Variants in DCUN1D1 observed in about 807,000 individuals in gnomAD.
DCUN1D1 encodes the protein defective in cullin neddylation 1 domain containing 1, also known as DCN1-like protein 1.
In DCUN1D1, 3 loss-of-function variants were observed where a neutral mutation model predicts 39.0. The observed-to-expected ratio is 0.08, with a 90% CI of 0.04 to 0.20. The LOEUF (loss-of-function observed/expected upper bound fraction) is 0.20. Among genes scored for constraint, DCUN1D1 ranks in the 10% least tolerant of loss-of-function variants. The pLI is 1.00. For missense variants in DCUN1D1, 158 were observed against 302.4 expected (o/e 0.52, Z 3.54); for synonymous variants, 82 against 96.3 (o/e 0.85, Z 0.87).
Position 182,955,441 on chromosome 3 carries a change from A to G in DCUN1D1, c.520+5785T>C. Reference sequence around the variant, plus strand: ...TTGCGCAAACTTCAAGTTCATAGGCACATGGTCTACACGTTATGAGATAAG... The same window carrying G: ...TTGCGCAAACTTCAAGTTCATAGGCGCATGGTCTACACGTTATGAGATAAG... On this transcript the variant is annotated intron_variant, in intron 4 of 6. Transcript: ENST00000292782. 3.7e-5 allele frequency: 20 copies of G among 541,914 alleles called. 1 individual carries two copies. Among genetic ancestry groups the G allele is most frequent in the South Asian group, 2.8e-4 (20 of 72,216 alleles). 33.6% of individuals were successfully genotyped at this position (541,914 alleles called of 1,614,324 possible).
At position 182,938,803 on chromosome 3, in the gene DCUN1D1, A is replaced by AAT. The variant is rs1035306657; in HGVS notation, c.*6289_*6290dup. On this transcript the variant is annotated 3_prime_UTR_variant, in exon 7 of 7. Coordinates refer to ENST00000292782, the MANE Select transcript of DCUN1D1 (RefSeq NM_020640.4). ...CAAAAGTAAAATCTCTGGGAAACTTAATATTAAGACAGTAACTATCTGCAC... is the reference window on the plus strand; with the variant it reads ...CAAAAGTAAAATCTCTGGGAAACTTAATATATTAAGACAGTAACTATCTGCAC... The AAT allele has an allele frequency of 6.6e-6, 1 of 152,200 alleles. No homozygotes were observed. Among genetic ancestry groups the AAT allele is most frequent in the African/African-American group, 2.4e-5 (1 of 41,456 alleles). The allele number at this position is 152,200 out of a possible 1,614,324, so 9.4% of individuals were successfully genotyped here.
At chr3:182,964,794 C>T (rs1433081023) in intron 2 of DCUN1D1, among the ~76,000 whole-genome samples, 2 of 152,026 alleles carry the variant, frequency 1.3e-5, no homozygotes, top group Non-Finnish European at 2.9e-5. Context: ...GCACACGCCA[C>T]CACGCCCAGC....
chr3:182,949,102 T>G (rs1191194657), intron 4 of DCUN1D1, among the ~76,000 whole-genome samples: 1 of 149,620 alleles, frequency 6.7e-6, no homozygotes, highest in Non-Finnish European at 1.5e-5. Context: ...GACTCTCGCC[T>G]GTAATCCTAG....
chr3:182,981,139 C>T (rs1010419262), upstream of DCUN1D1, among the ~76,000 whole-genome samples: 1 of 152,014 alleles, frequency 6.6e-6, no homozygotes, highest in African/African-American at 2.4e-5. Context: ...GTGGCTGTCA[C>T]TCCATTAGTG....
At position 182,961,213 on chromosome 3, in the gene DCUN1D1, T is replaced by A; in HGVS notation, c.520+13A>T. On this transcript the variant is annotated intron_variant, in intron 4 of 6. Coordinates refer to ENST00000292782, the MANE Select transcript of DCUN1D1 (RefSeq NM_020640.4). The stretch of plus-strand genomic sequence containing the variant: ...TATCTGAAACACCAAATATAATTTT[T>A]AAAAATTCTTACCTAATCCTTTTTG... 2.7e-6 allele frequency: 4 copies of A among 1,473,148 alleles called. No individual in the cohort carries two copies. The highest frequency in any genetic ancestry group is 3.7e-6 in the Non-Finnish European group (4 of 1,079,968). 91.3% of individuals were successfully genotyped at this position (1,473,148 alleles called of 1,614,324 possible).
chr3:182,965,585 C>T lies in DCUN1D1; in HGVS notation c.172G>A (p.Gly58Arg). The change falls in exon 2 of 7, where the codon GGA becomes AGA. Residue 58 changes from glycine to arginine, a missense_variant. Gly to Arg is a moderately radical substitution (Grantham distance 125, BLOSUM62 -2). Transcript: ENST00000292782. ...TCTAACTTCTTCCTGTCCAATGATC[C>T]TTTTACACTCTCTCGTATATAAAGT... is the stretch of plus-strand genomic sequence containing the variant. Reference protein sequence around the residue: ...PELYIRESVKGSLDRKKLEQL... With the variant: ...PELYIRESVKRSLDRKKLEQL... 6.2e-7 allele frequency: 1 copy of T among 1,613,742 alleles called. No homozygotes were observed. Among genetic ancestry groups the T allele is most frequent in the Non-Finnish European group, 8.5e-7 (1 of 1,179,792 alleles).
At position 182,944,296 on chromosome 3, in the gene DCUN1D1, T is replaced by C. The variant is rs1441625773; in HGVS notation, c.*798A>G. The C allele has an allele frequency of 6.6e-6, 1 of 152,660 alleles. No homozygotes were observed. Among genetic ancestry groups the C allele is most frequent in the Non-Finnish European group, 1.5e-5 (1 of 68,038 alleles). The allele number at this position is 152,660 out of a possible 1,614,324, so 9.5% of individuals were successfully genotyped here. A position where few individuals can be genotyped will look rare whatever the true frequency, so the allele number is the denominator to read the frequency against. Reference sequence around the variant, plus strand: ...ATTTCAAAAGCATAATGAAGTCCAATTATGTAGTGCATAATGTAGACAGGA... The same window carrying C: ...ATTTCAAAAGCATAATGAAGTCCAACTATGTAGTGCATAATGTAGACAGGA... On this transcript the variant is annotated 3_prime_UTR_variant, in exon 7 of 7. Coordinates refer to ENST00000292782, the MANE Select transcript of DCUN1D1 (RefSeq NM_020640.4).
chr3:182,942,950 A>G lies in DCUN1D1; in HGVS notation c.*2144T>C, dbSNP rs1024594317. ...GCTACATAATTATATTCAAAGCTTT[A>G]TGTATTTTTGTTTATAATTACACAG... On this transcript the variant is annotated 3_prime_UTR_variant, in exon 7 of 7. Coordinates refer to ENST00000292782, the MANE Select transcript of DCUN1D1 (RefSeq NM_020640.4). 1 of 152,216 alleles carries G rather than the reference A, an allele frequency of 6.6e-6. No individual in the cohort carries two copies. The highest frequency in any genetic ancestry group is 2.4e-5 in the African/African-American group (1 of 41,298). The allele number at this position is 152,216 out of a possible 1,614,324, so 9.4% of individuals were successfully genotyped here. A position where few individuals can be genotyped will look rare whatever the true frequency, so the allele number is the denominator to read the frequency against.
At chr3:182,968,705 T>G (rs1469498439) in intron 1 of DCUN1D1, among the ~76,000 whole-genome samples, 1 of 152,050 alleles carries the variant, frequency 6.6e-6, no homozygotes, top group Non-Finnish European at 1.5e-5. Context: ...GCTCAAGCGA[T>G]TCTCCTGCCT....
intron 4 of DCUN1D1, among the ~76,000 whole-genome samples, chr3:182,956,746 G>A (rs1215189604): frequency 1.3e-5 from 2 of 152,164 alleles, no homozygotes. Flanking sequence ...GTGACTCATA[G>A]ACTTTAGTCT....
chr3:182,982,753 C>A (rs750220060), upstream of DCUN1D1, among the ~76,000 whole-genome samples: 29 of 152,100 alleles, frequency 1.9e-4, 1 homozygote, highest in Non-Finnish European at 7.4e-5. Context: ...AGCGATTCTC[C>A]TGTCTCAGCC....
In DCUN1D1 at chr3:182,958,533, TACATATA is replaced by T. The variant is rs1727214279; in HGVS notation, c.520+2686_520+2692del. Among the ~76,000 whole-genome samples the T allele has an allele frequency of 2.0e-5, 3 of 152,308 alleles. No individual in the cohort carries two copies. The South Asian group carries it at 6.2e-4, about 32-fold the overall frequency. ...AAATAACATTTTCATTGTAGTTAAA[TACATATA>T]ACATAAAGTTTATCATCTGAATCTT... On this transcript the variant is annotated intron_variant, in intron 4 of 6. Transcript: ENST00000292782.
chr3:182,943,590 T>C lies in DCUN1D1; in HGVS notation c.*1504A>G, dbSNP rs1444510725. 2.6e-5 allele frequency: 4 copies of C among 152,278 alleles called. No individual in the cohort carries two copies. The highest frequency in any genetic ancestry group is 2.6e-4 in the Admixed American group (4 of 15,274). 9.4% of individuals were successfully genotyped at this position (152,278 alleles called of 1,614,324 possible). Reference sequence around the variant, plus strand: ...TTCTAAGTACATTCCTTTGTTAATATCAACCCTAGACCTTAGAGAGTGCCT... The same window carrying C: ...TTCTAAGTACATTCCTTTGTTAATACCAACCCTAGACCTTAGAGAGTGCCT... On this transcript the variant is annotated 3_prime_UTR_variant, in exon 7 of 7. Transcript: ENST00000292782.
intron 5 of DCUN1D1, 26 bp from the exon 6 acceptor site, chr3:182,947,360 C>T: frequency 6.9e-7 from 1 of 1,454,858 alleles, no homozygotes; most frequent in Non-Finnish European, 9.5e-7. Context: ...AAACAAAATA[C>T]ATTTGTATCA....
At chr3:182,973,667 C>T (rs1465392893) in intron 1 of DCUN1D1, among the ~76,000 whole-genome samples, 1 of 151,980 alleles carries the variant, frequency 6.6e-6, no homozygotes, top group Admixed American at 6.6e-5. Context: ...ATTAGCTGGG[C>T]ATGGTGGCGT....
chr3:182,976,444 TAC>T (rs59465164), intron 1 of DCUN1D1, among the ~76,000 whole-genome samples: 13,951 of 140,498 alleles, frequency 0.099, 671 homozygotes, highest in East Asian at 0.16. Flanking sequence ...TATACATACA[TAC>T]ACACACACAC....
intron 1 of DCUN1D1, among the ~76,000 whole-genome samples, chr3:182,972,703 T>C (rs887708524): frequency 4.6e-5 from 7 of 151,722 alleles, no homozygotes; most frequent in African/African-American, 1.7e-4. Flanking sequence ...ATCACATCAC[T>C]AACTCCAGCC....
rs867091238 is a variant in DCUN1D1, at chr3:182,940,781, T to G, written c.*4313A>C. The G allele has an allele frequency of 1.3e-5, 2 of 151,868 alleles. No homozygotes were observed. Among genetic ancestry groups the G allele is most frequent in the South Asian group, 4.2e-4 (2 of 4,802 alleles). The allele number at this position is 151,868 out of a possible 1,614,324, so 9.4% of individuals were successfully genotyped here. A position where few individuals can be genotyped will look rare whatever the true frequency, so the allele number is the denominator to read the frequency against. On this transcript the variant is annotated 3_prime_UTR_variant, in exon 7 of 7. Transcript: ENST00000292782. ...TTCTGCACAGCATGATGGCAAAAAATAAAAAAGAAAACAATCATGAAGCAC... is the reference window on the plus strand; with the variant it reads ...TTCTGCACAGCATGATGGCAAAAAAGAAAAAAGAAAACAATCATGAAGCAC...
intron 1 of DCUN1D1, among the ~76,000 whole-genome samples, chr3:182,973,770 G>A (rs1360616353): frequency 1.3e-5 from 2 of 150,232 alleles, no homozygotes; most frequent in Non-Finnish European, 2.9e-5. Context: ...TTGTGCCATT[G>A]CACTCCAGCC....
Sources: allele counts gnomAD v4.1 joint callset (sites outside exome capture counted in the v4.1 genomes callset), GRCh38; gene constraint gnomAD v4.1.1; transcripts MANE v1.5; gene names NCBI Gene and HGNC (gene_info 2026-07-23, HGNC 2026-07-21).